Variants in NVL observed in about 807,000 individuals in gnomAD.
The protein encoded by NVL is nuclear VCP like.
A neutral mutation model predicts 110.2 loss-of-function variants in NVL; 84 were observed. The observed-to-expected ratio is 0.76, with a 90% CI of 0.64 to 0.91. The LOEUF is 0.91. NVL is among the 40% of genes least tolerant of loss of function. The probability of loss-of-function intolerance (pLI) is 0.00; values close to 1 mark genes in which losing one functional copy is unlikely to be tolerated. For synonymous variants in NVL, 354 were observed against 361.1 expected, an observed-to-expected ratio of 0.98 and a Z score of 0.22; for missense variants, 882 against 1,035.9, an observed-to-expected ratio of 0.85 and a Z score of 2.04.
At chr1:224,313,013 G>A in intron 4 of NVL, 1 of 267,814 alleles carries the variant, frequency 3.7e-6, no homozygotes, top group Non-Finnish European at 8.0e-6. Context: ...TAAAAAATTA[G>A]CTGGGCATGC....
chr1:224,245,674 G>A (rs1452526020), intron 19 of NVL, among the ~76,000 whole-genome samples: 1 of 152,110 alleles, frequency 6.6e-6, no homozygotes, highest in African/African-American at 2.4e-5. Flanking sequence ...AGTTGCTTTT[G>A]GCCCAGCATG....
rs747186340 is a variant in NVL at position 224,304,738 on chromosome 1, T to C, written c.823A>G (p.Lys275Glu). Residue 275 changes from lysine (K) to glutamate (E), a missense_variant and splice_region_variant, in exon 8 of 23, where the codon AAA (lysine) becomes GAA (glutamate). By Grantham distance (56) the Lys-to-Glu change is moderately conservative. Around this residue, in one of 4 missense-constraint regions of NVL, gnomAD observed 416 missense variants for 499.3 expected, o/e 0.83. Coordinates refer to ENST00000281701, the MANE Select transcript of NVL (RefSeq NM_002533.4). The part of the protein sequence containing the change: ...EDVGGNDMTL[K>E]EVCKMLIHMR... ...TAAAATTCAGAATTTGCACTAACTT[T>C]TAATGTCATATCATTGCCTCCCACA... 1.2e-6 allele frequency: 2 copies of C among 1,613,058 alleles called. No homozygotes were observed. The highest frequency in any genetic ancestry group is 3.3e-5 in the Admixed American group (2 of 59,982).
At position 224,250,262 on chromosome 1, in the gene NVL, C is replaced by T. The variant is rs770658918; in HGVS notation, c.2239G>A (p.Gly747Ser). The change falls in exon 19 of 23, where the codon GGT becomes AGT. Residue 747 changes from glycine to serine, a missense_variant. By Grantham distance (56) the Gly-to-Ser change is moderately conservative. Around this residue, in one of 4 missense-constraint regions of NVL, gnomAD observed 126 missense variants for 140.7 expected, o/e 0.90. Coordinates refer to ENST00000281701, the MANE Select transcript of NVL (RefSeq NM_002533.4). The part of the protein sequence containing the change: ...PGRLDKTLFV[G>S]LPPPADRLAI... ...AGGCGATCTGCAGGGGGCGGTAAAC[C>T]CACAAACAGTGTTTTGTCCAGGCGG... is the stretch of plus-strand genomic sequence containing the variant. 6.2e-7 allele frequency: 1 copy of T among 1,607,982 alleles called. No individual in the cohort carries two copies. Among genetic ancestry groups the T allele is most frequent in the Non-Finnish European group, 8.5e-7 (1 of 1,177,604 alleles).
At chr1:224,247,697 G>C (rs1339031226) in intron 19 of NVL, among the ~76,000 whole-genome samples, 1 of 151,790 alleles carries the variant, frequency 6.6e-6, no homozygotes, top group Non-Finnish European at 1.5e-5. Context: ...TTCTTGTAGA[G>C]ACAGGGTCTC....
At chr1:224,309,475 T>C (rs6692013) in intron 5 of NVL, among the ~76,000 whole-genome samples, 150,804 of 152,240 alleles carry the variant, frequency 0.99, 74,714 homozygotes, top group South Asian at 1. Flanking sequence ...GCTAGGACCA[T>C]GCCACTGTAC....
intron 5 of NVL, among the ~76,000 whole-genome samples, chr1:224,310,757 A>C (rs1316942809): frequency 8.7e-5 from 13 of 148,624 alleles, no homozygotes; most frequent in African/African-American, 3.0e-4. Context: ...TCTCTTTTGC[A>C]ATAAGGTCTG....
chr1:224,314,075 A>T (rs1223671605), intron 4 of NVL, among the ~76,000 whole-genome samples: 1 of 152,250 alleles, frequency 6.6e-6, no homozygotes, highest in African/African-American at 2.4e-5. Context: ...AGTATAACAA[A>T]GATTGCAGGG....
chr1:224,299,696 G>A (rs930424754), intron 10 of NVL, among the ~76,000 whole-genome samples: 2 of 152,210 alleles, frequency 1.3e-5, no homozygotes, highest in Non-Finnish European at 2.9e-5. Context: ...GGTAGCACCT[G>A]AGAAAGTTCA....
chr1:224,296,126 A>G (rs1276941131), intron 11 of NVL, among the ~76,000 whole-genome samples: 1 of 151,960 alleles, frequency 6.6e-6, no homozygotes, highest in Non-Finnish European at 1.5e-5. Context: ...GCAACACTCT[A>G]TCTCATCAAT....
At chr1:224,298,903 TA>T (rs1365975634) in intron 10 of NVL, among the ~76,000 whole-genome samples, 1 of 151,864 alleles carries the variant, frequency 6.6e-6, no homozygotes, top group Non-Finnish European at 1.5e-5. Context: ...TACAAAAACT[TA>T]AAAAAATGTT....
Position 224,231,294 on chromosome 1 carries a change from C to A in NVL, c.2458G>T (p.Glu820Ter). 6.2e-7 allele frequency: 1 copy of A among 1,610,718 alleles called. No individual in the cohort carries two copies. The highest frequency in any genetic ancestry group is 1.1e-5 in the South Asian group (1 of 91,002). ...ARQKSGNEKG[E>*]LKVSHKHFEE... ...AAATGCTTATGACTAACCTTGAGTT[C>A]ACCTATGGAGTAAATGCACAAATAT... is the stretch of plus-strand genomic sequence containing the variant. Residue 820 changes from glutamate (E) to a stop codon, truncating the protein, a stop_gained and splice_region_variant, in exon 22 of 23, where the codon GAA becomes TAA. Coordinates refer to ENST00000281701, the MANE Select transcript of NVL (RefSeq NM_002533.4). LOFTEE classifies it high-confidence loss of function.
intron 2 of NVL, among the ~76,000 whole-genome samples, chr1:224,320,463 A>G (rs1168833111): frequency 6.6e-6 from 1 of 152,162 alleles, no homozygotes; most frequent in Non-Finnish European, 1.5e-5. Context: ...CCTGGCCAAC[A>G]TGGTAAAACC....
intron 19 of NVL, among the ~76,000 whole-genome samples, chr1:224,242,974 T>C (rs1314518604): frequency 6.6e-6 from 1 of 151,512 alleles, no homozygotes; most frequent in African/African-American, 2.4e-5. Flanking sequence ...TACAGGTGTG[T>C]GCCACCGCAC....
intron 18 of NVL, among the ~76,000 whole-genome samples, chr1:224,256,385 A>G: frequency 7.0e-6 from 1 of 143,136 alleles, no homozygotes; most frequent in South Asian, 2.3e-4. Flanking sequence ...AGATCGTGCT[A>G]CTGCACTCCA....
At chr1:224,227,910 T>C (rs1659366856) in intron 22 of NVL, 1 of 257,994 alleles carries the variant, frequency 3.9e-6, no homozygotes. Flanking sequence ...GGGAAGAGCA[T>C]GTGCGCAGAG....
At chr1:224,256,894 G>C (rs1429135994) in intron 18 of NVL, 1 of 414,116 alleles carries the variant, frequency 2.4e-6, no homozygotes, top group Non-Finnish European at 4.8e-6. Context: ...TAGCAAATCA[G>C]GTCAACCCTA....
intron 19 of NVL, among the ~76,000 whole-genome samples, chr1:224,248,222 GTTAATC>G (rs1662073880): frequency 6.6e-6 from 1 of 152,164 alleles, no homozygotes; most frequent in Non-Finnish European, 1.5e-5. Context: ...CAACTCTACA[GTTAATC>G]CAATGTCCTA....
chr1:224,271,454 C>T (rs1470821676), intron 17 of NVL, among the ~76,000 whole-genome samples: 1 of 152,092 alleles, frequency 6.6e-6, no homozygotes, highest in African/African-American at 2.4e-5. Context: ...AATCACACCA[C>T]TGCACTCCAG....
chr1:224,329,897 G>C (rs1671512611), intron 1 of NVL, among the ~76,000 whole-genome samples, 174 bp downstream of exon 1: 1 of 152,272 alleles, frequency 6.6e-6, no homozygotes, highest in South Asian at 2.1e-4. Context: ...GCACCAACGT[G>C]GGTAGGGAAG....
Sources: allele counts gnomAD v4.1 joint callset (sites outside exome capture counted in the v4.1 genomes callset), GRCh38; gene constraint gnomAD v4.1.1; regional missense constraint gnomAD v4.1.1; transcripts MANE v1.5; gene names NCBI Gene and HGNC (gene_info 2026-07-23, HGNC 2026-07-21).